Variants in SPATA17 observed in about 807,000 individuals in gnomAD.
SPATA17 encodes the protein spermatogenesis associated 17.
In SPATA17, 53 loss-of-function variants were observed where a neutral mutation model predicts 62.2. The ratio of observed to expected loss-of-function variants is 0.85; its 90% CI spans 0.68 to 1.07. The LOEUF is 1.07. SPATA17 is among the 50% of genes least tolerant of loss of function. SPATA17 has a pLI of 0.00. For missense variants in SPATA17, 466 were observed against 425.5 expected (o/e 1.10, Z -0.84); for synonymous variants, 146 against 146.8 (o/e 0.99, Z 0.04).
intron 5 of SPATA17, among the ~76,000 whole-genome samples, chr1:217,721,579 T>C (rs1382350719): frequency 6.6e-6 from 1 of 152,190 alleles, no homozygotes; most frequent in Admixed American, 6.5e-5. Context: ...CGCACAAGGT[T>C]GGTTACCCTG....
At chr1:217,838,776 T>G (rs902228955) in intron 9 of SPATA17, among the ~76,000 whole-genome samples, 1 of 152,094 alleles carries the variant, frequency 6.6e-6, no homozygotes, top group Non-Finnish European at 1.5e-5. Flanking sequence ...AGATTATAGT[T>G]CTATATTTCT....
chr1:217,795,444 G>A (rs868000686), intron 8 of SPATA17, among the ~76,000 whole-genome samples: 3 of 137,766 alleles, frequency 2.2e-5, no homozygotes, highest in Admixed American at 8.3e-5. Context: ...ATCTCGGCTC[G>A]CTGCAAACTC....
intron 8 of SPATA17, among the ~76,000 whole-genome samples, chr1:217,799,104 AT>A (rs1201112504): frequency 6.6e-6 from 1 of 152,030 alleles, no homozygotes; most frequent in African/African-American, 2.4e-5. Context: ...GAATTAAATA[AT>A]TTTTTCCTAA....
At chr1:217,765,467 A>T (rs1480651542) in intron 6 of SPATA17, among the ~76,000 whole-genome samples, 2 of 151,772 alleles carry the variant, frequency 1.3e-5, no homozygotes, top group Non-Finnish European at 2.9e-5. Flanking sequence ...GCTATATTTT[A>T]ATTTTAATTT....
intron 9 of SPATA17, among the ~76,000 whole-genome samples, chr1:217,814,581 C>T (rs1674669295): frequency 1.3e-5 from 2 of 152,142 alleles, no homozygotes; most frequent in African/African-American, 4.8e-5. Context: ...GGTGCAATGG[C>T]TCACTCCTGT....
At position 217,744,528 on chromosome 1, in the gene SPATA17, T is replaced by C. The variant is rs1033546032; in HGVS notation, c.519+2430T>C. 3.3e-5 allele frequency among the ~76,000 whole-genome samples: 5 copies of C among 151,702 alleles called. No individual in the cohort carries two copies. In the South Asian group the frequency reaches 1.0e-3, roughly 32 times the overall value. ...ACTAAAACACTTGAATCATAGACCT[T>C]AATGGATTTTCAGGTATTACCATTG... On this transcript the variant is annotated intron_variant, in intron 6 of 10. Transcript: ENST00000366933.
In SPATA17 at chr1:217,864,651, A is replaced by AT. The variant is rs557454890; in HGVS notation, c.*2+1795_*2+1796insT. Among the ~76,000 whole-genome samples the AT allele has an allele frequency of 8.4e-4, 128 of 152,166 alleles. No individual in the cohort carries two copies. The East Asian group carries it at 0.015, about 17-fold the overall frequency. ...ATCTCTGGGTGGTGAGATTATGAGT[A>AT]CTTTCTGTGGGATACTTCTTTTTAG... On this transcript the variant is annotated intron_variant, in intron 10 of 10. Transcript: ENST00000366933.
At chr1:217,752,762 C>T (rs752145772) in intron 6 of SPATA17, among the ~76,000 whole-genome samples, 3 of 152,146 alleles carry the variant, frequency 2.0e-5, no homozygotes, top group African/African-American at 4.8e-5. Flanking sequence ...TTTTAAACCT[C>T]GCTTCTCCCC....
intron 5 of SPATA17, among the ~76,000 whole-genome samples, chr1:217,733,660 C>T (rs901403959): frequency 6.6e-6 from 1 of 152,144 alleles, no homozygotes; most frequent in Non-Finnish European, 1.5e-5. Flanking sequence ...CTTGAATAAA[C>T]AAATGAGTGT....
At chr1:217,741,516 G>A (rs6604556) in intron 5 of SPATA17, among the ~76,000 whole-genome samples, 131,575 of 152,120 alleles carry the variant, frequency 0.86, 57,158 homozygotes, top group Non-Finnish European at 0.88. Context: ...TAAATTAAGT[G>A]TATGTATAAA....
At chr1:217,678,812 G>A (rs1168261360) in intron 4 of SPATA17, among the ~76,000 whole-genome samples, 1 of 152,072 alleles carries the variant, frequency 6.6e-6, no homozygotes, top group East Asian at 1.9e-4. Context: ...CAATGACTTT[G>A]TTTAAAATTA....
At chr1:217,847,517 G>A (rs1013073382) in intron 9 of SPATA17, among the ~76,000 whole-genome samples, 21 of 152,060 alleles carry the variant, frequency 1.4e-4, no homozygotes, top group Non-Finnish European at 2.9e-5. Context: ...ATTAAATATT[G>A]TACATAGATT....
At chr1:217,786,394 A>G (rs993765169) in intron 8 of SPATA17, among the ~76,000 whole-genome samples, 5 of 152,188 alleles carry the variant, frequency 3.3e-5, no homozygotes, top group African/African-American at 1.2e-4. Context: ...GATAGAGGAA[A>G]GAAGAAAATA....
In SPATA17 at chr1:217,870,616, A is replaced by G. The variant is rs1316579134; in HGVS notation, c.*3597A>G. On this transcript the variant is annotated 3_prime_UTR_variant, in exon 11 of 11. Coordinates refer to ENST00000366933, the MANE Select transcript of SPATA17 (RefSeq NM_138796.4). ...ATTAATGAGACTTTATGTTTGACCA[A>G]AGCTGGTAATTCCTTGATCTTATTC... The G allele has an allele frequency of 1.3e-5, 2 of 152,182 alleles. No homozygotes were observed. Among genetic ancestry groups the G allele is most frequent in the South Asian group, 4.1e-4 (2 of 4,834 alleles). The allele number at this position is 152,182 out of a possible 1,614,324, so 9.4% of individuals were successfully genotyped here. A position where few individuals can be genotyped will look rare whatever the true frequency, so the allele number is the denominator to read the frequency against.
rs572754501 is a variant in SPATA17 at position 217,858,157 on chromosome 1, A to G, written c.1006-4617A>G. On this transcript the variant is annotated intron_variant, in intron 9 of 10. Coordinates refer to ENST00000366933, the MANE Select transcript of SPATA17 (RefSeq NM_138796.4). ...CATTATATTATATTCCCACAATATT[A>G]CACATGGATAATTTAACACAAATGA... Among the ~76,000 whole-genome samples the G allele has an allele frequency of 9.2e-5, 14 of 152,318 alleles. No individual in the cohort carries two copies. The East Asian group carries it at 2.7e-3, about 29-fold the overall frequency.
chr1:217,687,849 G>A (rs1247386813), intron 5 of SPATA17, among the ~76,000 whole-genome samples: 1 of 152,042 alleles, frequency 6.6e-6, no homozygotes, highest in Non-Finnish European at 1.5e-5. Flanking sequence ...CTAAGTTTTT[G>A]TATTTTAATT....
chr1:217,675,062 T>C (rs1296378462), intron 4 of SPATA17, among the ~76,000 whole-genome samples: 5 of 152,188 alleles, frequency 3.3e-5, no homozygotes, highest in Non-Finnish European at 7.3e-5. Context: ...GCCCTCCAGC[T>C]GTTTTTGGCT....
At chr1:217,723,009 A>AC (rs2102935618) in intron 5 of SPATA17, among the ~76,000 whole-genome samples, 1 of 152,252 alleles carries the variant, frequency 6.6e-6, no homozygotes. Flanking sequence ...GTCAAGAGGG[A>AC]CTTAGTCTGG....
At chr1:217,709,422 C>A (rs1309223634) in intron 5 of SPATA17, among the ~76,000 whole-genome samples, 1 of 152,110 alleles carries the variant, frequency 6.6e-6, no homozygotes, top group Non-Finnish European at 1.5e-5. Flanking sequence ...GGCCTTAATT[C>A]TTCTGGCTGT....
Sources: allele counts gnomAD v4.1 joint callset (sites outside exome capture counted in the v4.1 genomes callset), GRCh38; gene constraint gnomAD v4.1.1; transcripts MANE v1.5; gene names NCBI Gene and HGNC (gene_info 2026-07-23, HGNC 2026-07-21).